The following TBX15 variants were observed in gnomAD, a reference collection of about 807,000 sequenced individuals.
TBX15 encodes T-box transcription factor TBX15.
In TBX15, 18 loss-of-function variants were observed where a neutral mutation model predicts 53.9. The ratio of observed to expected loss-of-function variants is 0.33; its 90% CI spans 0.23 to 0.49. TBX15 has a LOEUF of 0.49. Among genes scored for constraint, TBX15 ranks in the 20% least tolerant of loss-of-function variants. The pLI, the probability that TBX15 is intolerant of heterozygous loss-of-function variation, is 0.98. For synonymous variants in TBX15, 295 were observed against 278.0 expected (o/e 1.06, Z -0.61); for missense variants, 692 against 749.5 (o/e 0.92, Z 0.90).
intron 1 of TBX15, among the ~76,000 whole-genome samples, chr1:118,955,664 G>A (rs1375270600): frequency 6.6e-6 from 1 of 152,098 alleles, no homozygotes; most frequent in Non-Finnish European, 1.5e-5. Flanking sequence ...CCCTGCTCTA[G>A]GGCCATTAGA....
At chr1:118,935,564 T>C (rs1655942591) in intron 1 of TBX15, among the ~76,000 whole-genome samples, 1 of 152,140 alleles carries the variant, frequency 6.6e-6, no homozygotes, top group Admixed American at 6.6e-5. Flanking sequence ...AAAACTTAAG[T>C]AACCTGCGCT....
At chr1:118,931,858 G>C in intron 1 of TBX15, 26 bp from the exon 2 acceptor site, 1 of 1,551,106 alleles carries the variant, frequency 6.4e-7, no homozygotes, top group Non-Finnish European at 8.7e-7. Context: ...TCAAGCCTTA[G>C]GTGAGAAACT....
At chr1:118,934,939 G>A (rs1184360330) in intron 1 of TBX15, among the ~76,000 whole-genome samples, 2 of 152,128 alleles carry the variant, frequency 1.3e-5, no homozygotes, top group African/African-American at 2.4e-5. Flanking sequence ...AAGAATGTAA[G>A]CAACAGCCCA....
intron 6 of TBX15, among the ~76,000 whole-genome samples, chr1:118,906,873 T>G (rs562518260): frequency 6.6e-6 from 1 of 152,260 alleles, no homozygotes; most frequent in Admixed American, 6.5e-5. Flanking sequence ...GAGACTCAGA[T>G]TTCTTCTTGC....
At chr1:118,973,056 T>C (rs935282559) in intron 1 of TBX15, among the ~76,000 whole-genome samples, 1 of 152,242 alleles carries the variant, frequency 6.6e-6, no homozygotes, top group Non-Finnish European at 1.5e-5. Flanking sequence ...GGTAATTTGA[T>C]ATAAACGTTA....
At chr1:118,927,498 A>T (rs934859177) in intron 2 of TBX15, among the ~76,000 whole-genome samples, 5 of 152,240 alleles carry the variant, frequency 3.3e-5, no homozygotes, top group Non-Finnish European at 5.9e-5. Flanking sequence ...ACAAAGAGCC[A>T]CCAAGATTTT....
At chr1:118,960,221 C>T (rs911124343) in intron 1 of TBX15, among the ~76,000 whole-genome samples, 3 of 152,180 alleles carry the variant, frequency 2.0e-5, no homozygotes, top group Non-Finnish European at 4.4e-5. Context: ...GTTTATGGGC[C>T]TGACGTGACT....
At chr1:118,949,671 C>T (rs1329286936) in intron 1 of TBX15, among the ~76,000 whole-genome samples, 1 of 152,232 alleles carries the variant, frequency 6.6e-6, no homozygotes, top group African/African-American at 2.4e-5. Context: ...GGGACCTGGC[C>T]GTGAGGCCTC....
intron 2 of TBX15, among the ~76,000 whole-genome samples, chr1:118,927,540 A>T (rs1172330769): frequency 6.6e-6 from 1 of 152,216 alleles, no homozygotes; most frequent in Non-Finnish European, 1.5e-5. Flanking sequence ...AATTTTCTGC[A>T]AGTTCTCAGG....
In TBX15 at chr1:118,885,081, G is replaced by A; in HGVS notation, c.1460C>T (p.Ala487Val). Reference sequence around the variant, plus strand: ...CATGTGTGGTGATGAGGAGCTGGAGGCAGCATTGCCTGCCTGCATGACATA... The same window carrying A: ...CATGTGTGGTGATGAGGAGCTGGAGACAGCATTGCCTGCCTGCATGACATA... ...FQYVMQAGNA[A>V]SSSSSPHMFG... Residue 487 changes from alanine to valine, a missense_variant, in exon 8 of 8, where the codon GCC becomes GTC. By Grantham distance (64) the Ala-to-Val change is moderately conservative. Coordinates refer to ENST00000369429, the MANE Select transcript of TBX15 (RefSeq NM_001330677.2). 1 of 1,614,170 alleles carries A rather than the reference G, an allele frequency of 6.2e-7. No individual in the cohort carries two copies. Among genetic ancestry groups the A allele is most frequent in the Non-Finnish European group, 8.5e-7 (1 of 1,180,036 alleles).
chr1:118,929,497 A>G (rs1655711995), intron 2 of TBX15, among the ~76,000 whole-genome samples: 1 of 152,214 alleles, frequency 6.6e-6, no homozygotes, highest in African/African-American at 2.4e-5. Context: ...ACCTGAGAAG[A>G]ATTAGATGTA....
At chr1:118,933,238 TCAAA>T (rs1280732226) in intron 1 of TBX15, among the ~76,000 whole-genome samples, 1 of 152,178 alleles carries the variant, frequency 6.6e-6, no homozygotes, top group Non-Finnish European at 1.5e-5. Context: ...AACAGCTGTG[TCAAA>T]GCCACAGGGA....
At chr1:118,897,234 T>C (rs1335490496) in intron 7 of TBX15, among the ~76,000 whole-genome samples, 1 of 152,186 alleles carries the variant, frequency 6.6e-6, no homozygotes, top group Non-Finnish European at 1.5e-5. Context: ...TACATACATA[T>C]TAGGTGGTTG....
At chr1:118,964,987 C>T (rs978023156) in intron 1 of TBX15, among the ~76,000 whole-genome samples, 1 of 152,218 alleles carries the variant, frequency 6.6e-6, no homozygotes, top group Admixed American at 6.5e-5. Flanking sequence ...GTTGCCCTGC[C>T]GTTCTTTGAA....
chr1:118,921,213 G>A (rs556357573), intron 5 of TBX15, among the ~76,000 whole-genome samples: 1 of 152,030 alleles, frequency 6.6e-6, no homozygotes, highest in South Asian at 2.1e-4. Context: ...AAAACAACAG[G>A]AGAATTGAAA....
Position 118,883,524 on chromosome 1 carries a change from A to G in TBX15, c.*1208T>C, listed in dbSNP as rs1183877792. 2 of 152,194 alleles carry G rather than the reference A, an allele frequency of 1.3e-5. No homozygotes were observed. The highest frequency in any genetic ancestry group is 2.9e-5 in the Non-Finnish European group (2 of 68,032). 9.4% of individuals were successfully genotyped at this position (152,194 alleles called of 1,614,324 possible). ...CACAGGGATAGCGGGCAGGCATTCT[A>G]GGTCAGGTGTCTGGATCCGGCACCT... On this transcript the variant is annotated 3_prime_UTR_variant, in exon 8 of 8. Coordinates refer to ENST00000369429, the MANE Select transcript of TBX15 (RefSeq NM_001330677.2).
At position 118,893,314 on chromosome 1, in the gene TBX15, GA is replaced by G. The variant is rs1454719163; in HGVS notation, c.1024+5713del. The stretch of plus-strand genomic sequence containing the variant: ...GGAAGGAAGGAAGGAAGGAAGGAAG[GA>G]AAGAAAGAAAGAAGAAAGAAGGAAG... On this transcript the variant is annotated intron_variant, in intron 7 of 7. Transcript: ENST00000369429. Among the ~76,000 whole-genome samples, 188 of 120,736 alleles carry G rather than the reference GA, an allele frequency of 1.6e-3. 3 individuals are homozygous for G. The highest frequency in any genetic ancestry group is 6.6e-3 in the African/African-American group (177 of 26,668). 79.2% of individuals were successfully genotyped at this position (120,736 alleles called of 152,430 possible). A position where few individuals can be genotyped will look rare whatever the true frequency, so the allele number is the denominator to read the frequency against.
At chr1:118,923,828 T>A (rs1470198497) in intron 4 of TBX15, among the ~76,000 whole-genome samples, 1 of 152,198 alleles carries the variant, frequency 6.6e-6, no homozygotes, top group African/African-American at 2.4e-5. Flanking sequence ...ATGGTAAAAG[T>A]AATATGTTTG....
At chr1:118,922,268 G>A (rs1474214804) in intron 5 of TBX15, among the ~76,000 whole-genome samples, 1 of 152,170 alleles carries the variant, frequency 6.6e-6, no homozygotes, top group African/African-American at 2.4e-5. Flanking sequence ...AGAGATCAAA[G>A]TAGTTACCTA....
Sources: allele counts gnomAD v4.1 joint callset (sites outside exome capture counted in the v4.1 genomes callset), GRCh38; gene constraint gnomAD v4.1.1; transcripts MANE v1.5; gene names NCBI Gene and HGNC (gene_info 2026-07-23, HGNC 2026-07-21).